The following PDE10A variants were observed in gnomAD, a reference collection of about 807,000 sequenced individuals.
The protein encoded by PDE10A is cAMP and cAMP-inhibited cGMP 3',5'-cyclic phosphodiesterase 10A.
A neutral mutation model predicts 97.7 loss-of-function variants in PDE10A; 39 were observed. That is an observed-to-expected ratio of 0.40 (90% confidence interval 0.31 to 0.52). The LOEUF is 0.52. Among genes scored for constraint, PDE10A ranks in the 20% least tolerant of loss-of-function variants. The probability of loss-of-function intolerance (pLI) is 0.56; values close to 1 mark genes in which losing one functional copy is unlikely to be tolerated. For synonymous variants in PDE10A, 371 were observed against 376.8 expected, an observed-to-expected ratio of 0.98 and a Z score of 0.18; for missense variants, 731 against 1,047.8, an observed-to-expected ratio of 0.70 and a Z score of 4.17.
intron 1 of PDE10A, among the ~76,000 whole-genome samples, chr6:165,850,183 G>T (rs1389618949): frequency 1.3e-5 from 2 of 152,210 alleles, no homozygotes; most frequent in Admixed American, 6.5e-5. Flanking sequence ...GCTGGGCCAG[G>T]CGCTGACAGC....
At chr6:165,833,809 G>A (rs1779999203) in intron 1 of PDE10A, among the ~76,000 whole-genome samples, 1 of 152,230 alleles carries the variant, frequency 6.6e-6, no homozygotes, top group Non-Finnish European at 1.5e-5. Flanking sequence ...GATCAGGTAG[G>A]AAAGGTGCAG....
chr6:165,343,903 C>G (rs1335016269), intron 18 of PDE10A, among the ~76,000 whole-genome samples: 1 of 152,148 alleles, frequency 6.6e-6, no homozygotes, highest in Non-Finnish European at 1.5e-5. Context: ...CCAATCCTTT[C>G]ATTTTATATT....
chr6:165,553,901 T>C (rs968272101), intron 1 of PDE10A, among the ~76,000 whole-genome samples: 9 of 152,140 alleles, frequency 5.9e-5, no homozygotes, highest in Non-Finnish European at 1.5e-5. Context: ...ATTTACCCTT[T>C]CTGTGACTCA....
At chr6:165,506,584 G>T (rs941876479) in intron 2 of PDE10A, among the ~76,000 whole-genome samples, 2 of 152,108 alleles carry the variant, frequency 1.3e-5, no homozygotes, top group Non-Finnish European at 1.5e-5. Context: ...ATGGTGAAAA[G>T]AAAAATTGTT....
At chr6:165,848,112 A>G (rs1780471579) in intron 1 of PDE10A, among the ~76,000 whole-genome samples, 2 of 151,862 alleles carry the variant, frequency 1.3e-5, no homozygotes, top group South Asian at 4.1e-4. Flanking sequence ...CTCAGGTTCA[A>G]GTTTGGGAAA....
At chr6:165,872,031 G>T (rs991462174) in intron 1 of PDE10A, among the ~76,000 whole-genome samples, 8 of 152,130 alleles carry the variant, frequency 5.3e-5, no homozygotes, top group Non-Finnish European at 7.3e-5. Context: ...GCGTTGCCTT[G>T]TTCTCATCAG....
intron 1 of PDE10A, among the ~76,000 whole-genome samples, chr6:165,735,370 G>A (rs1474352519): frequency 2.3e-5 from 2 of 87,560 alleles, no homozygotes; most frequent in Non-Finnish European, 7.1e-5. Context: ...AGGTGGGTGG[G>A]TAGGTAGGTA....
chr6:165,359,345 CT>C (rs960691390), intron 18 of PDE10A, among the ~76,000 whole-genome samples: 3 of 152,054 alleles, frequency 2.0e-5, no homozygotes, highest in African/African-American at 7.2e-5. Flanking sequence ...TTTCAGCCTC[CT>C]TTTTTGAAGA....
chr6:165,843,891 G>C (rs780549246), intron 1 of PDE10A, among the ~76,000 whole-genome samples: 1 of 152,188 alleles, frequency 6.6e-6, no homozygotes, highest in Non-Finnish European at 1.5e-5. Flanking sequence ...GGGTGGCACT[G>C]AGCTAACCTG....
At chr6:165,384,645 TG>T (rs1785153986) in intron 17 of PDE10A, among the ~76,000 whole-genome samples, 1 of 85,112 alleles carries the variant, frequency 1.2e-5, no homozygotes, top group African/African-American at 6.1e-5. Flanking sequence ...TGTGTGTGTG[TG>T]TGTGTGTGTG....
chr6:165,356,599 C>A (rs948960340), intron 18 of PDE10A, among the ~76,000 whole-genome samples: 6 of 151,972 alleles, frequency 3.9e-5, no homozygotes, highest in Admixed American at 2.0e-4. Flanking sequence ...TTTGTGCCTA[C>A]CCTAAGGTCA....
intron 1 of PDE10A, among the ~76,000 whole-genome samples, chr6:165,675,234 T>A (rs576274376): frequency 1.3e-5 from 2 of 152,322 alleles, no homozygotes; most frequent in Non-Finnish European, 2.9e-5. Flanking sequence ...GTATCTGCTT[T>A]GTTTGTTTGT....
intron 21 of PDE10A, among the ~76,000 whole-genome samples, chr6:165,334,364 TCCATAGCGCCCTACAGC>T (rs1404292825): frequency 2.7e-5 from 4 of 147,488 alleles, no homozygotes; most frequent in African/African-American, 7.6e-5. Context: ...GGCACGCGCC[TCCATAGCGCCCTACAGC>T]GCCGGGCACG....
At chr6:165,735,257 A>G (rs1202520151) in intron 1 of PDE10A, among the ~76,000 whole-genome samples, 2 of 151,668 alleles carry the variant, frequency 1.3e-5, no homozygotes, top group Non-Finnish European at 2.9e-5. Flanking sequence ...GTAGGTAGGA[A>G]GATAGGTAGA....
chr6:165,726,580 C>A (rs984823038), intron 1 of PDE10A, among the ~76,000 whole-genome samples: 39 of 150,446 alleles, frequency 2.6e-4, no homozygotes, highest in African/African-American at 6.8e-4. Flanking sequence ...CCCGCTCCCC[C>A]CGGTGGTCCA....
chr6:165,515,627 G>C (rs539287308), intron 2 of PDE10A, among the ~76,000 whole-genome samples: 2 of 149,208 alleles, frequency 1.3e-5, no homozygotes, highest in Non-Finnish European at 3.0e-5. Flanking sequence ...GGGTTCAAAC[G>C]ATTCTCCTGC....
At chr6:165,749,266 CCATCATCACCATTACCAT>C (rs1293813562) in intron 1 of PDE10A, among the ~76,000 whole-genome samples, 2 of 105,412 alleles carry the variant, frequency 1.9e-5, no homozygotes, top group African/African-American at 7.0e-5. Context: ...ACCATTACCA[CCATCATCACCATTACCAT>C]CATCACCATC....
chr6:165,578,985 G>A (rs1229669373), intron 1 of PDE10A, among the ~76,000 whole-genome samples: 1 of 152,180 alleles, frequency 6.6e-6, no homozygotes, highest in Non-Finnish European at 1.5e-5. Context: ...CACCCACATT[G>A]AGCCTTGTAA....
chr6:165,955,656 A>G (rs1583343160), intron 1 of PDE10A, among the ~76,000 whole-genome samples: 1 of 152,358 alleles, frequency 6.6e-6, no homozygotes, highest in East Asian at 1.9e-4. Flanking sequence ...AAGTATTTTA[A>G]GTGCGAGTAG....
Sources: allele counts gnomAD v4.1 joint callset (sites outside exome capture counted in the v4.1 genomes callset), GRCh38; gene constraint gnomAD v4.1.1; transcripts MANE v1.5; gene names NCBI Gene and HGNC (gene_info 2026-07-23, HGNC 2026-07-21).